LUZP2: variants seen among roughly 807,000 people sequenced by gnomAD.
The protein encoded by LUZP2 is leucine zipper protein 2.
In LUZP2, 52 loss-of-function variants were observed where a neutral mutation model predicts 51.6. The ratio of observed to expected loss-of-function variants is 1.01; its 90% CI spans 0.81 to 1.27. LUZP2 has a LOEUF of 1.27. LUZP2 is among the 50% of genes most tolerant of loss of function. The pLI, the probability that LUZP2 is intolerant of heterozygous loss-of-function variation, is 0.00. For synonymous variants in LUZP2, 154 were observed against 137.3 expected, an observed-to-expected ratio of 1.12 and a Z score of -0.85; for missense variants, 436 against 395.4, an observed-to-expected ratio of 1.10 and a Z score of -0.87.
intron 9 of LUZP2, among the ~76,000 whole-genome samples, chr11:25,024,989 C>T (rs113003156): frequency 0.098 from 14,847 of 151,140 alleles, 1,795 homozygotes; most frequent in African/African-American, 0.29. Flanking sequence ...AGAAATAATA[C>T]CACACATCTA....
chr11:25,027,883 AAG>A, intron 9 of LUZP2, among the ~76,000 whole-genome samples: 1 of 151,554 alleles, frequency 6.6e-6, no homozygotes, highest in East Asian at 1.9e-4. Flanking sequence ...AAAAAAAAAA[AAG>A]GTGTTTAGAT....
chr11:25,005,652 T>A (rs578033736), intron 9 of LUZP2, among the ~76,000 whole-genome samples: 11 of 152,228 alleles, frequency 7.2e-5, no homozygotes, highest in African/African-American at 2.4e-4. Context: ...GAACCCGCAA[T>A]GGTCCCTGGA....
chr11:24,960,299 T>A (rs1311412321), intron 7 of LUZP2, among the ~76,000 whole-genome samples: 1 of 152,198 alleles, frequency 6.6e-6, no homozygotes, highest in East Asian at 1.9e-4. Context: ...CTTTTTCTAT[T>A]GAGTGGAATA....
At chr11:25,011,787 G>T (rs1405921631) in intron 9 of LUZP2, among the ~76,000 whole-genome samples, 1 of 151,798 alleles carries the variant, frequency 6.6e-6, no homozygotes, top group Admixed American at 6.6e-5. Flanking sequence ...ATCAAGTCAG[G>T]GTATTCGGGG....
chr11:25,066,969 A>T (rs55881780), intron 10 of LUZP2, among the ~76,000 whole-genome samples: 2 of 152,058 alleles, frequency 1.3e-5, no homozygotes, highest in East Asian at 3.9e-4. Flanking sequence ...GAACCTACAT[A>T]TGGCAATTAA....
At chr11:24,996,759 T>C (rs933209233) in intron 9 of LUZP2, among the ~76,000 whole-genome samples, 1 of 151,968 alleles carries the variant, frequency 6.6e-6, no homozygotes, top group Non-Finnish European at 1.5e-5. Flanking sequence ...CCTAAAGCTA[T>C]CCCTCCCCCT....
Position 24,793,398 on chromosome 11 carries a change from C to T in LUZP2, c.396+30090C>T, listed in dbSNP as rs554557003. 9.8e-5 allele frequency among the ~76,000 whole-genome samples: 15 copies of T among 152,296 alleles called. No individual in the cohort carries two copies. In the East Asian group the frequency reaches 2.7e-3, roughly 27 times the overall value. On this transcript the variant is annotated intron_variant, in intron 5 of 11. Transcript: ENST00000336930. ...GGTCTTTCCTTCACAAATAAACACA[C>T]TCTGTTAATGTCACCACCTGCAAAC...
At chr11:24,512,831 C>T (rs1850354079) in intron 1 of LUZP2, among the ~76,000 whole-genome samples, 1 of 151,224 alleles carries the variant, frequency 6.6e-6, no homozygotes, top group African/African-American at 2.4e-5. Flanking sequence ...CTCACTGCAA[C>T]CTCCGCCTCC....
At chr11:24,920,194 T>G (rs946587117) in intron 7 of LUZP2, among the ~76,000 whole-genome samples, 1 of 151,932 alleles carries the variant, frequency 6.6e-6, no homozygotes, top group Non-Finnish European at 1.5e-5. Context: ...ATGGCAGACA[T>G]TTTGATAGTT....
intron 1 of LUZP2, among the ~76,000 whole-genome samples, chr11:24,666,560 T>C (rs1856218949): frequency 6.6e-6 from 1 of 152,100 alleles, no homozygotes; most frequent in Non-Finnish European, 1.5e-5. Flanking sequence ...GAAGTCAAGA[T>C]GAATGCAGGA....
intron 5 of LUZP2, among the ~76,000 whole-genome samples, chr11:24,785,088 A>G (rs1590521530): frequency 6.6e-6 from 1 of 152,100 alleles, no homozygotes; most frequent in African/African-American, 2.4e-5. Flanking sequence ...TAGTTACACT[A>G]TTTATGCTCA....
At chr11:24,707,366 A>G (rs1226429348) in intron 1 of LUZP2, among the ~76,000 whole-genome samples, 1 of 151,948 alleles carries the variant, frequency 6.6e-6, no homozygotes, top group Non-Finnish European at 1.5e-5. Flanking sequence ...CAAATGCACC[A>G]TGAAGACTAC....
At chr11:24,507,495 A>G (rs1054509111) in intron 1 of LUZP2, among the ~76,000 whole-genome samples, 1 of 152,092 alleles carries the variant, frequency 6.6e-6, no homozygotes, top group Non-Finnish European at 1.5e-5. Context: ...GCTTTCTTTA[A>G]AGGGCTGAGA....
At chr11:24,550,303 T>C (rs960733385) in intron 1 of LUZP2, among the ~76,000 whole-genome samples, 2 of 152,154 alleles carry the variant, frequency 1.3e-5, no homozygotes, top group African/African-American at 4.8e-5. Context: ...TTTAATTTTG[T>C]CTTTTAACAT....
intron 5 of LUZP2, among the ~76,000 whole-genome samples, chr11:24,877,135 A>G (rs11028244): frequency 0.49 from 74,534 of 151,984 alleles, 18,689 homozygotes; most frequent in East Asian, 0.69. Flanking sequence ...GAAGTGCAGA[A>G]CCCTAGCTAT....
chr11:24,690,247 T>C (rs557622061), intron 1 of LUZP2, among the ~76,000 whole-genome samples: 4 of 152,212 alleles, frequency 2.6e-5, no homozygotes, highest in Non-Finnish European at 4.4e-5. Flanking sequence ...AAATAAAAAG[T>C]CTCTTTTCCA....
intron 1 of LUZP2, among the ~76,000 whole-genome samples, chr11:24,602,237 T>C (rs1026214643): frequency 2.5e-5 from 1 of 39,976 alleles, no homozygotes; most frequent in South Asian, 1.2e-3. Flanking sequence ...CATATATGTG[T>C]ATATATGTAT....
At chr11:24,651,534 A>T (rs1195013684) in intron 1 of LUZP2, among the ~76,000 whole-genome samples, 2 of 152,172 alleles carry the variant, frequency 1.3e-5, no homozygotes, top group Non-Finnish European at 2.9e-5. Flanking sequence ...TACATATTCA[A>T]ATATTCCCAG....
In LUZP2 at chr11:24,738,318, C is replaced by G. The variant is rs375477728; in HGVS notation, c.333+16C>G. On this transcript the variant is annotated intron_variant, in intron 4 of 11. Coordinates refer to ENST00000336930, the MANE Select transcript of LUZP2 (RefSeq NM_001009909.4). ...CCAGGCTACTGTAAGTGTGTTTCTT[C>G]TTTGTGCCTTTTGCTTTTGGGCTGG... is the stretch of plus-strand genomic sequence containing the variant. 9.5e-5 allele frequency: 150 copies of G among 1,586,918 alleles called. No individual in the cohort carries two copies. In the Middle Eastern group the frequency reaches 3.2e-3, roughly 33 times the overall value.
Sources: gnomAD v4.1 joint callset for allele counts (sites outside exome capture counted in the v4.1 genomes callset) on GRCh38, gnomAD v4.1.1 for gene constraint, MANE v1.5 for transcripts, NCBI Gene and HGNC (gene_info 2026-07-23, HGNC 2026-07-21) for gene names.